Variants in BIVM observed in about 807,000 individuals in gnomAD.
BIVM encodes the protein basic, immunoglobulin-like variable motif containing.
A neutral mutation model predicts 61.4 loss-of-function variants in BIVM; 31 were observed. The observed-to-expected ratio is 0.51, with a 90% CI of 0.38 to 0.68. BIVM has a LOEUF of 0.68. Among genes scored for constraint, BIVM ranks in the 30% least tolerant of loss-of-function variants. The pLI, the probability that BIVM is intolerant of heterozygous loss-of-function variation, is 0.00. For synonymous variants in BIVM, 189 were observed against 210.7 expected (o/e 0.90, Z 0.89); for missense variants, 526 against 596.0 (o/e 0.88, Z 1.22).
chr13:102,819,525 G>A (rs781636730), intron 4 of BIVM, among the ~76,000 whole-genome samples: 17 of 152,074 alleles, frequency 1.1e-4, no homozygotes, highest in African/African-American at 2.4e-5. Flanking sequence ...CGTGGCACAC[G>A]TTCTCACTGA....
chr13:102,834,648 A>G lies in BIVM; in HGVS notation c.1121+96A>G, dbSNP rs990387994. ...TTGTATATAATTAGTTTGATAAATG[A>G]ATGCACCTGTATAATCACCACCCAA... On this transcript the variant is annotated intron_variant, in intron 9 of 10. Transcript: ENST00000257336. The G allele has an allele frequency of 1.3e-5, 15 of 1,188,854 alleles. No individual in the cohort carries two copies. In the African/African-American group the frequency reaches 2.1e-4, roughly 16 times the overall value. 73.6% of individuals were successfully genotyped at this position (1,188,854 alleles called of 1,614,324 possible).
chr13:102,811,267 T>A (rs1320133418), intron 3 of BIVM, among the ~76,000 whole-genome samples: 1 of 152,246 alleles, frequency 6.6e-6, no homozygotes, highest in Non-Finnish European at 1.5e-5. Context: ...GCAAGTCTAG[T>A]GGTAATAAAC....
Position 102,838,665 on chromosome 13 carries a change from C to A in BIVM, c.1144C>A (p.Leu382Ile), listed in dbSNP as rs564226314. The A allele has an allele frequency of 6.2e-7, 1 of 1,612,840 alleles. No homozygotes were observed. The highest frequency in any genetic ancestry group is 1.3e-5 in the African/African-American group (1 of 74,854). ...CKKWADIVTD[L>I]NTQNPEYLDI... The stretch of plus-strand genomic sequence containing the variant: ...TAGATGGGCAGATATTGTTACTGAT[C>A]TAAACACTCAAAATCCAGAATACCT... The change falls in exon 10 of 11, where the codon CTA becomes ATA. Residue 382 changes from leucine (L) to isoleucine (I), a missense_variant. Physicochemically the swap from Leu to Ile is conservative, Grantham distance 5. This residue lies in a region of BIVM where 210 missense variants were observed against 233.1 expected (regional missense o/e 0.90). Coordinates refer to ENST00000257336, the MANE Select transcript of BIVM (RefSeq NM_017693.4).
chr13:102,821,681 C>T (rs2148449), intron 5 of BIVM, 62 bp from the exon 6 acceptor site: 1,399,327 of 1,407,504 alleles, frequency 0.99, 695,987 homozygotes, highest in East Asian at 1. Context: ...AACATTGAGA[C>T]AGGCTGTATT....
intron 9 of BIVM, among the ~76,000 whole-genome samples, chr13:102,837,667 T>G (rs1881569737): frequency 6.6e-6 from 1 of 152,158 alleles, no homozygotes. Context: ...CATCAACCAA[T>G]GAGTGGATAA....
intron 7 of BIVM, among the ~76,000 whole-genome samples, chr13:102,823,770 T>C (rs1180957418): frequency 6.6e-6 from 1 of 152,216 alleles, no homozygotes; most frequent in Admixed American, 6.5e-5. Context: ...TTTCAATCAT[T>C]TTTATTCTAA....
chr13:102,824,382 T>A (rs889148312), intron 7 of BIVM, among the ~76,000 whole-genome samples: 3 of 152,190 alleles, frequency 2.0e-5, no homozygotes, highest in African/African-American at 7.2e-5. Context: ...AAAGCTTAAT[T>A]TCTTTTTAAA....
chr13:102,825,118 ATT>A (rs1163553279), intron 7 of BIVM, among the ~76,000 whole-genome samples: 1 of 151,080 alleles, frequency 6.6e-6, no homozygotes. Context: ...AATTTTTTGT[ATT>A]TTTTTTAGTA....
intron 7 of BIVM, among the ~76,000 whole-genome samples, chr13:102,828,068 C>T (rs193236191): frequency 1.3e-5 from 2 of 152,278 alleles, no homozygotes; most frequent in African/African-American, 2.4e-5. Context: ...CTGGGGACCA[C>T]GCTGTTGTGA....
rs1232743462 is a variant in BIVM at position 102,807,359 on chromosome 13, G to A, written c.92G>A (p.Gly31Asp). Residue 31 changes from glycine to aspartate, a missense_variant, in exon 3 of 11, where the codon GGT becomes GAT. By Grantham distance (94) the Gly-to-Asp change is moderately conservative. Transcript: ENST00000257336. This position sits in a 1 kb window ranked among gnomAD's most constrained non-coding sequence, Gnocchi z 4.0. The part of the protein sequence containing the change: ...ERKSPEENLQ[G>D]AVKSFCTSAS... ...AAGTCACCTGAAGAGAATCTACAAG[G>A]TGCTGTAAAATCTTTCTGCACAAGT... 1.2e-6 allele frequency: 2 copies of A among 1,614,184 alleles called. No homozygotes were observed. Among genetic ancestry groups the A allele is most frequent in the South Asian group, 1.1e-5 (1 of 91,080 alleles).
chr13:102,813,087 A>C (rs1314834040), intron 3 of BIVM, among the ~76,000 whole-genome samples: 3 of 152,214 alleles, frequency 2.0e-5, no homozygotes, highest in Non-Finnish European at 4.4e-5. Flanking sequence ...CAATCCTTTG[A>C]ATAGACTCTG....
Position 102,807,112 on chromosome 13 carries a change from TG to T in BIVM, c.-122-32del. 1.4e-6 allele frequency: 1 copy of T among 713,782 alleles called. No individual in the cohort carries two copies. Among genetic ancestry groups the T allele is most frequent in the Non-Finnish European group, 2.2e-6 (1 of 454,290 alleles). The allele number at this position is 713,782 out of a possible 1,614,324, so 44.2% of individuals were successfully genotyped here. On this transcript the variant is annotated intron_variant, in intron 2 of 10. Coordinates refer to ENST00000257336, the MANE Select transcript of BIVM (RefSeq NM_017693.4). This position sits in a 1 kb window ranked among gnomAD's most constrained non-coding sequence, Gnocchi z 4.0. ...TTTTAGTGGCTCTTTGTGTATCTGG[TG>T]GATTGTTGATCATTCTTTTTCCTTC...
intron 4 of BIVM, among the ~76,000 whole-genome samples, chr13:102,818,228 A>G (rs1233224574): frequency 1.3e-5 from 2 of 152,228 alleles, no homozygotes; most frequent in Non-Finnish European, 2.9e-5. Flanking sequence ...CAGAGAGGCC[A>G]AGAAACCTGC....
At chr13:102,803,649 G>A (rs911811973) in intron 1 of BIVM, among the ~76,000 whole-genome samples, 5 of 151,944 alleles carry the variant, frequency 3.3e-5, no homozygotes, top group Admixed American at 6.6e-5. Flanking sequence ...GAACATTTCC[G>A]TCTCGCCACC....
chr13:102,801,038 G>C (rs1181530610), intron 1 of BIVM, among the ~76,000 whole-genome samples: 3 of 152,244 alleles, frequency 2.0e-5, no homozygotes, highest in Non-Finnish European at 4.4e-5. Flanking sequence ...AGGCGATGAA[G>C]ATTGGCTTTA....
At chr13:102,802,580 G>C (rs896228529) in intron 1 of BIVM, among the ~76,000 whole-genome samples, 9 of 151,936 alleles carry the variant, frequency 5.9e-5, no homozygotes, top group African/African-American at 2.2e-4. Context: ...TCATGCCCTT[G>C]GATTTTAGTG....
At chr13:102,812,049 A>G (rs994220330) in intron 3 of BIVM, among the ~76,000 whole-genome samples, 4 of 152,116 alleles carry the variant, frequency 2.6e-5, no homozygotes, top group African/African-American at 7.2e-5. Context: ...CAGGTCCCTT[A>G]AGGTCTGTTT....
At chr13:102,825,606 A>G (rs1416584088) in intron 7 of BIVM, among the ~76,000 whole-genome samples, 1 of 152,220 alleles carries the variant, frequency 6.6e-6, no homozygotes, top group African/African-American at 2.4e-5. Flanking sequence ...GTGTTCAGCC[A>G]TGCTGGGCTC....
intron 9 of BIVM, among the ~76,000 whole-genome samples, chr13:102,835,052 A>T (rs1881366322): frequency 6.6e-6 from 1 of 152,092 alleles, no homozygotes; most frequent in African/African-American, 2.4e-5. Context: ...ATTATATAAA[A>T]ATTTTATTAA....
Sources: allele counts gnomAD v4.1 joint callset (sites outside exome capture counted in the v4.1 genomes callset), GRCh38; gene constraint gnomAD v4.1.1; regional missense constraint gnomAD v4.1.1; non-coding constraint Gnocchi (gnomAD v3.1); transcripts MANE v1.5; gene names NCBI Gene and HGNC (gene_info 2026-07-23, HGNC 2026-07-21).